PUM2: variants seen among roughly 807,000 people sequenced by gnomAD.
The protein encoded by PUM2 is pumilio RNA binding family member 2, also known as pumilio homolog 2.
In PUM2, 57 loss-of-function variants were observed where a neutral mutation model predicts 124.5. That is an observed-to-expected ratio of 0.46 (90% CI 0.37 to 0.57). PUM2 has a LOEUF of 0.57. Ranked by LOEUF, PUM2 falls within the 20% of genes least tolerant of loss-of-function variation. The pLI is 0.00. For synonymous variants in PUM2, 460 were observed against 446.1 expected, an observed-to-expected ratio of 1.03 and a Z score of -0.39; for missense variants, 1,065 against 1,290.6, an observed-to-expected ratio of 0.83 and a Z score of 2.68.
intron 16 of PUM2, among the ~76,000 whole-genome samples, chr2:20,257,320 C>T (rs961924105): frequency 2.0e-5 from 3 of 152,082 alleles, no homozygotes; most frequent in Non-Finnish European, 4.4e-5. Flanking sequence ...GATTTTAATG[C>T]AGTGATGAAT....
intron 1 of PUM2, chr2:20,331,883 G>A (rs537874921): frequency 6.6e-6 from 1 of 152,146 alleles, no homozygotes. Flanking sequence ...AGGCTTTGCA[G>A]GCCATATGAT....
At chr2:20,306,578 G>A (rs182567631) in intron 7 of PUM2, among the ~76,000 whole-genome samples, 33 of 150,596 alleles carry the variant, frequency 2.2e-4, no homozygotes, top group Admixed American at 4.6e-4. Flanking sequence ...TACATGCTGC[G>A]ACTGGCACTC....
chr2:20,269,203 AATT>A (rs1232492215), intron 13 of PUM2, among the ~76,000 whole-genome samples: 18 of 151,546 alleles, frequency 1.2e-4, no homozygotes, highest in East Asian at 7.7e-4. Flanking sequence ...TAATAATAAT[AATT>A]ATTATTATTT....
chr2:20,317,110 T>C (rs1252932220), intron 3 of PUM2, among the ~76,000 whole-genome samples: 1 of 151,922 alleles, frequency 6.6e-6, no homozygotes, highest in Non-Finnish European at 1.5e-5. Context: ...GGCAGAAGGA[T>C]CTTTTTAGCC....
chr2:20,326,927 C>T (rs763937216), intron 2 of PUM2, among the ~76,000 whole-genome samples: 29 of 151,956 alleles, frequency 1.9e-4, no homozygotes, highest in Non-Finnish European at 3.7e-4. Context: ...TTTGGGTGAA[C>T]AAGAGATTTT....
intron 2 of PUM2, chr2:20,326,244 T>C (rs1683642338): frequency 7.7e-7 from 1 of 1,300,570 alleles, no homozygotes; most frequent in African/African-American, 1.5e-5. Flanking sequence ...TACTTAAGCT[T>C]AAGCACCTTA....
upstream of PUM2, among the ~76,000 whole-genome samples, chr2:20,351,708 T>C (rs545924663): frequency 6.6e-6 from 1 of 152,278 alleles, no homozygotes; most frequent in East Asian, 1.9e-4. Flanking sequence ...TCCGATTTGT[T>C]CTTGATGGTT....
At chr2:20,272,891 T>C (rs1466063771) in intron 13 of PUM2, among the ~76,000 whole-genome samples, 1 of 152,220 alleles carries the variant, frequency 6.6e-6, no homozygotes, top group Non-Finnish European at 1.5e-5. Flanking sequence ...CATTCCTAGA[T>C]ATATCACAAC....
chr2:20,281,517 A>G (rs1671514828), intron 12 of PUM2, among the ~76,000 whole-genome samples: 3 of 152,198 alleles, frequency 2.0e-5, no homozygotes, highest in African/African-American at 7.2e-5. Context: ...TATAATTTAA[A>G]AACTATTTCC....
At chr2:20,326,262 C>G in intron 2 of PUM2, 1 of 1,303,520 alleles carries the variant, frequency 7.7e-7, no homozygotes, top group Non-Finnish European at 1.0e-6. Context: ...TTAACTCACC[C>G]TTAAATCAGT....
intron 2 of PUM2, 60 bp downstream of exon 2, chr2:20,327,248 AAT>A: frequency 8.1e-7 from 1 of 1,235,252 alleles, no homozygotes; most frequent in Non-Finnish European, 1.2e-6. Context: ...AAAAAAAAAA[AAT>A]AAGTTACAAT....
At chr2:20,261,823 C>G (rs552069891) in intron 14 of PUM2, among the ~76,000 whole-genome samples, 1 of 152,254 alleles carries the variant, frequency 6.6e-6, no homozygotes, top group East Asian at 1.9e-4. Flanking sequence ...CAATGTGTTT[C>G]TGTTCTAAGC....
chr2:20,313,069 T>C (rs188495997), intron 3 of PUM2, among the ~76,000 whole-genome samples: 3 of 152,196 alleles, frequency 2.0e-5, no homozygotes, highest in African/African-American at 7.2e-5. Flanking sequence ...TAACTCAAGA[T>C]GGATTAAAGA....
intron 2 of PUM2, among the ~76,000 whole-genome samples, chr2:20,324,397 TATAAAG>T (rs1683164664): frequency 6.6e-6 from 1 of 152,210 alleles, no homozygotes; most frequent in Admixed American, 6.5e-5. Context: ...CATACTAAGC[TATAAAG>T]ATATTCTCAA....
At chr2:20,327,229 G>A (rs1474169280) in intron 2 of PUM2, 81 bp downstream of exon 2, 3 of 927,966 alleles carry the variant, frequency 3.2e-6, no homozygotes, top group Non-Finnish European at 3.4e-6. Flanking sequence ...TCCAGGAAGG[G>A]AGATGGTTAA....
At chr2:20,293,478 G>A (rs1674730600) in intron 9 of PUM2, among the ~76,000 whole-genome samples, 1 of 152,186 alleles carries the variant, frequency 6.6e-6, no homozygotes, top group Admixed American at 6.5e-5. Context: ...AAAGGTCGAG[G>A]TGGGTGGATT....
chr2:20,303,460 G>A (rs1225482042), intron 7 of PUM2, among the ~76,000 whole-genome samples: 67 of 123,782 alleles, frequency 5.4e-4, no homozygotes, highest in Non-Finnish European at 5.2e-4. Flanking sequence ...TTTCAAAAGA[G>A]AAAAAAAAAC....
intron 13 of PUM2, among the ~76,000 whole-genome samples, chr2:20,276,832 C>A (rs1368749466): frequency 6.6e-6 from 1 of 151,964 alleles, no homozygotes; most frequent in Non-Finnish European, 1.5e-5. Context: ...TTGCTAATTC[C>A]AATCAGAGGT....
intron 1 of PUM2, among the ~76,000 whole-genome samples, chr2:20,334,335 ATAT>A (rs1181251557): frequency 6.6e-6 from 1 of 152,180 alleles, no homozygotes; most frequent in Non-Finnish European, 1.5e-5. Flanking sequence ...TAAATTAAAA[ATAT>A]TATTTCTTCC....
Sources: gnomAD v4.1 joint callset for allele counts (sites outside exome capture counted in the v4.1 genomes callset) on GRCh38, gnomAD v4.1.1 for gene constraint, MANE v1.5 for transcripts, NCBI Gene and HGNC (gene_info 2026-07-23, HGNC 2026-07-21) for gene names.